The following CACNA1C variants were observed in gnomAD, a reference collection of about 807,000 sequenced individuals.
The protein encoded by CACNA1C is calcium voltage-gated channel subunit alpha1 C.
CACNA1C carries 30 observed loss-of-function variants against 229.0 expected under a neutral mutation model. That is an observed-to-expected ratio of 0.13 (90% CI 0.10 to 0.18). The LOEUF (loss-of-function observed/expected upper bound fraction) is 0.18, where lower values mean the gene tolerates loss of function less well. CACNA1C is among the 10% of genes least tolerant of loss of function. The pLI, the probability that CACNA1C is intolerant of heterozygous loss-of-function variation, is 1.00. For missense variants in CACNA1C, 1,658 were observed against 2,845.0 expected, an observed-to-expected ratio of 0.58 and a Z score of 9.49; for synonymous variants, 1,114 against 1,132.5, an observed-to-expected ratio of 0.98 and a Z score of 0.33.
chr12:2,014,256 T>C (rs1327995692), intron 1 of CACNA1C, among the ~76,000 whole-genome samples: 2 of 145,256 alleles, frequency 1.4e-5, no homozygotes, highest in Non-Finnish European at 1.5e-5. Context: ...AACAACAAAC[T>C]GTCAGAAAAA....
chr12:2,447,816 C>G (rs2099313504), intron 3 of CACNA1C, among the ~76,000 whole-genome samples: 1 of 152,236 alleles, frequency 6.6e-6, no homozygotes, highest in Non-Finnish European at 1.5e-5. Flanking sequence ...CTCCCACATG[C>G]ACACACCAGA....
rs76020701 is a variant in CACNA1C at position 2,007,829 on chromosome 12, C to T, written c.139+36628C>T. 1.9e-3 allele frequency among the ~76,000 whole-genome samples: 290 copies of T among 152,320 alleles called. 1 individual carries two copies. Among genetic ancestry groups the T allele is most frequent in the African/African-American group, 6.4e-3 (265 of 41,568 alleles). ...TCCTGGAAAACTCACCTCCTGTCTTCTCCCATACAATCCTTTCAGCCTATG... is the reference window on the plus strand; with the variant it reads ...TCCTGGAAAACTCACCTCCTGTCTTTTCCCATACAATCCTTTCAGCCTATG... On this transcript the variant is annotated intron_variant, in intron 1 of 46. Coordinates refer to the CACNA1C transcript ENST00000682462.
chr12:2,079,529 A>G (rs1286962385), intron 1 of CACNA1C, among the ~76,000 whole-genome samples: 4 of 152,100 alleles, frequency 2.6e-5, no homozygotes, highest in Non-Finnish European at 5.9e-5. Flanking sequence ...CTCTTTCTAT[A>G]AGGGCACGAA....
intron 3 of CACNA1C, among the ~76,000 whole-genome samples, chr12:2,409,462 A>G (rs1391639305): frequency 6.6e-6 from 1 of 152,250 alleles, no homozygotes; most frequent in East Asian, 1.9e-4. Flanking sequence ...GTATCACCGT[A>G]GGTGTGCCCT....
Position 2,152,636 on chromosome 12 carries a change from G to A in CACNA1C, c.477+32206G>A, listed in dbSNP as rs1336138633. On this transcript the variant is annotated intron_variant, in intron 3 of 46. Coordinates refer to ENST00000399655, the MANE Select transcript of CACNA1C (RefSeq NM_000719.7). The surrounding 1 kb of genome is among the most constrained non-coding windows in gnomAD (Gnocchi z 4.2). ...AACCATGGTTCAATTCATAACTTAA[G>A]TTATACCCTACTTATTGGGAACTTT... Among the ~76,000 whole-genome samples, 1 of 152,118 alleles carries A rather than the reference G, an allele frequency of 6.6e-6. No homozygotes were observed. Among genetic ancestry groups the A allele is most frequent in the Non-Finnish European group, 1.5e-5 (1 of 68,030 alleles).
chr12:2,261,519 C>T (rs1203112267), intron 3 of CACNA1C, among the ~76,000 whole-genome samples: 2 of 152,160 alleles, frequency 1.3e-5, no homozygotes, highest in East Asian at 1.9e-4. Context: ...TAGTTCTCTC[C>T]TCACAGATAC....
intron 39 of CACNA1C, 141 bp downstream of exon 39, chr12:2,674,783 G>A (rs1045662235): frequency 2.5e-6 from 2 of 807,728 alleles, no homozygotes; most frequent in South Asian, 4.0e-5. Flanking sequence ...GCTTGCTGGA[G>A]GTCTGCCTTC....
At chr12:2,385,033 G>A (rs561251211) in intron 3 of CACNA1C, among the ~76,000 whole-genome samples, 2 of 152,154 alleles carry the variant, frequency 1.3e-5, no homozygotes, top group Non-Finnish European at 2.9e-5. Context: ...CATAGTGCTC[G>A]CTCCCCAAGG....
intron 3 of CACNA1C, among the ~76,000 whole-genome samples, chr12:2,207,744 G>T (rs1338004473): frequency 1.3e-5 from 2 of 152,158 alleles, no homozygotes; most frequent in Admixed American, 6.5e-5. Context: ...GGCCCAGGAA[G>T]TTGAGGCTGC....
At chr12:2,435,291 C>T (rs905310728) in intron 3 of CACNA1C, among the ~76,000 whole-genome samples, 18 of 152,352 alleles carry the variant, frequency 1.2e-4, no homozygotes, top group East Asian at 1.9e-4. Flanking sequence ...CTTAAACTGC[C>T]GATTACCAGC....
rs66611965 is a variant in CACNA1C, at chr12:2,685,853, C to A, written c.5680+11C>A. 145 of 1,368,284 alleles carry A rather than the reference C, an allele frequency of 1.1e-4. No individual in the cohort carries two copies. The African/African-American group carries it at 1.8e-3, about 17-fold the overall frequency. The allele number at this position is 1,368,284 out of a possible 1,614,324, so 84.8% of individuals were successfully genotyped here. A position where few individuals can be genotyped will look rare whatever the true frequency, so the allele number is the denominator to read the frequency against. On this transcript the variant is annotated intron_variant, in intron 44 of 46. Transcript: ENST00000399655. ...GCTCTGCCTCACTAGGTAAATGCACCGCTCGCTCTCTGGATGTGGTCGGCG... is the reference window on the plus strand; with the variant it reads ...GCTCTGCCTCACTAGGTAAATGCACAGCTCGCTCTCTGGATGTGGTCGGCG...
At chr12:2,584,475 C>T in intron 15 of CACNA1C, 28 bp from the exon 16 acceptor site, 1 of 1,558,902 alleles carries the variant, frequency 6.4e-7, no homozygotes, top group Non-Finnish European at 8.8e-7. Context: ...AACCAAGGGT[C>T]ATTTTCTTTA....
intron 3 of CACNA1C, among the ~76,000 whole-genome samples, chr12:2,342,508 T>A (rs142170100): frequency 6.6e-6 from 1 of 152,222 alleles, no homozygotes; most frequent in Non-Finnish European, 1.5e-5. Context: ...AGCCCATGAA[T>A]GTGACTATGC....
intron 5 of CACNA1C, among the ~76,000 whole-genome samples, chr12:2,472,587 T>A (rs928183615): frequency 6.6e-6 from 1 of 151,436 alleles, no homozygotes; most frequent in South Asian, 2.1e-4. Context: ...TGGATACATA[T>A]GTAGCACTCT....
chr12:2,339,455 C>T (rs2096795237), intron 3 of CACNA1C, among the ~76,000 whole-genome samples: 1 of 152,148 alleles, frequency 6.6e-6, no homozygotes, highest in Non-Finnish European at 1.5e-5. Flanking sequence ...TTTCTTCCTG[C>T]AATAATACGT....
At chr12:2,160,341 A>G (rs2095791865) in intron 3 of CACNA1C, among the ~76,000 whole-genome samples, 1 of 152,202 alleles carries the variant, frequency 6.6e-6, no homozygotes, top group Non-Finnish European at 1.5e-5. Context: ...TAAACATGGT[A>G]ACTGTGACAT....
chr12:2,549,818 G>T, intron 9 of CACNA1C, 125 bp from the exon 10 acceptor site: 1 of 701,324 alleles, frequency 1.4e-6, no homozygotes, highest in Non-Finnish European at 2.6e-6. Flanking sequence ...CAGCCAGCGT[G>T]CTCAGCCTCT....
At chr12:2,192,576 C>T (rs1018527096) in intron 3 of CACNA1C, among the ~76,000 whole-genome samples, 1 of 152,220 alleles carries the variant, frequency 6.6e-6, no homozygotes, top group Non-Finnish European at 1.5e-5. Context: ...GTTTTAAGTA[C>T]TTTTTCCTTT....
intron 3 of CACNA1C, among the ~76,000 whole-genome samples, chr12:2,329,806 T>C (rs2096482091): frequency 6.6e-6 from 1 of 152,168 alleles, no homozygotes; most frequent in African/African-American, 2.4e-5. Flanking sequence ...GACTTCACTC[T>C]CATAGTCCTT....
Sources: allele counts gnomAD v4.1 joint callset (sites outside exome capture counted in the v4.1 genomes callset), GRCh38; gene constraint gnomAD v4.1.1; non-coding constraint Gnocchi (gnomAD v3.1); transcripts MANE v1.5; gene names NCBI Gene and HGNC (gene_info 2026-07-23, HGNC 2026-07-21).